The following UST variants were observed in gnomAD, a reference collection of about 807,000 sequenced individuals.
UST encodes uronyl 2-sulfotransferase.
Under a neutral mutation model 45.6 loss-of-function variants are expected in UST, and 21 were observed. That is an observed-to-expected ratio of 0.46 (90% CI 0.33 to 0.66). The LOEUF is 0.66. Ranked by LOEUF, UST falls within the 30% of genes least tolerant of loss-of-function variation. The probability of loss-of-function intolerance (pLI) is 0.02; values close to 1 mark genes in which losing one functional copy is unlikely to be tolerated. For synonymous variants in UST, 215 were observed against 200.6 expected (o/e 1.07, Z -0.61); for missense variants, 463 against 512.4 (o/e 0.90, Z 0.93).
chr6:148,759,244 A>T (rs1480910729), intron 1 of UST, among the ~76,000 whole-genome samples: 1 of 152,284 alleles, frequency 6.6e-6, no homozygotes, highest in East Asian at 1.9e-4. Context: ...AAGTCCTTTT[A>T]AAAAAGTCCC....
rs1776008742 is a variant in UST at position 149,023,410 on chromosome 6, C to T, written c.937+1929C>T. Among the ~76,000 whole-genome samples the T allele has an allele frequency of 2.0e-5, 3 of 152,184 alleles. No homozygotes were observed. In the South Asian group the frequency reaches 6.2e-4, roughly 32 times the overall value. On this transcript the variant is annotated intron_variant, in intron 7 of 7. Coordinates refer to ENST00000367463, the MANE Select transcript of UST (RefSeq NM_005715.3). ...TGGGAGCAGCTACTATGACCCCAGT[C>T]AAGCCTTCAGATAACTGCAGCCCCA...
chr6:148,965,716 T>TA (rs1264177774), intron 5 of UST, among the ~76,000 whole-genome samples: 2 of 152,166 alleles, frequency 1.3e-5, no homozygotes, highest in Non-Finnish European at 2.9e-5. Flanking sequence ...ACAGAGAAGT[T>TA]AGTGTCTCAG....
At chr6:149,007,100 G>A (rs1020933072) in intron 5 of UST, among the ~76,000 whole-genome samples, 3 of 146,132 alleles carry the variant, frequency 2.1e-5, no homozygotes, top group African/African-American at 5.0e-5. Flanking sequence ...TGATCAAGAC[G>A]TCATTCCAGG....
chr6:149,058,353 G>A (rs1776600003), intron 7 of UST, among the ~76,000 whole-genome samples: 1 of 128,076 alleles, frequency 7.8e-6, no homozygotes, highest in East Asian at 2.1e-4. Context: ...GCATGTGTGT[G>A]TGTGTGTGTG....
In UST at chr6:148,910,513, G is replaced by A. The variant is rs189952216; in HGVS notation, c.291+23484G>A. Among the ~76,000 whole-genome samples the A allele has an allele frequency of 7.3e-3, 1,106 of 152,074 alleles. 13 individuals carry two copies. Among genetic ancestry groups the A allele is most frequent in the African/African-American group, 0.024 (1,013 of 41,462 alleles). On this transcript the variant is annotated intron_variant, in intron 2 of 7. Transcript: ENST00000367463. ...GTGAAGGACAAGTTAAGCCATCTCC[G>A]TCTCTCTCATACTGCAGCCCACCTG...
chr6:148,997,497 A>G (rs1781473429), intron 5 of UST, among the ~76,000 whole-genome samples: 2 of 152,222 alleles, frequency 1.3e-5, no homozygotes, highest in Admixed American at 6.5e-5. Flanking sequence ...AATTAGAAAA[A>G]GGGAAAATGA....
intron 7 of UST, among the ~76,000 whole-genome samples, chr6:149,041,069 C>T (rs1005620011): frequency 1.3e-5 from 2 of 152,172 alleles, no homozygotes; most frequent in African/African-American, 4.8e-5. Context: ...CCCAGGTCGG[C>T]CTTGAAAAAG....
intron 1 of UST, among the ~76,000 whole-genome samples, chr6:148,814,566 ATCAGGGTTATGGCTC>A (rs1351013419): frequency 2.0e-5 from 3 of 152,250 alleles, no homozygotes; most frequent in African/African-American, 7.2e-5. Context: ...TGTGTGTGAC[ATCAGGGTTATGGCTC>A]TGTAAGCTCT....
intron 2 of UST, among the ~76,000 whole-genome samples, chr6:148,892,688 A>G (rs1014520208): frequency 6.6e-6 from 1 of 152,258 alleles, no homozygotes; most frequent in African/African-American, 2.4e-5. Context: ...GAACATTTTC[A>G]TCATCAAGGA....
intron 1 of UST, among the ~76,000 whole-genome samples, chr6:148,870,104 T>TCTCACACACACACACACACACA (rs377724567): frequency 5.7e-5 from 8 of 141,548 alleles, no homozygotes; most frequent in African/African-American, 1.6e-4. Context: ...TGGTAATGTT[T>TCTCACACACACACACACACACA]CACACACACA....
At chr6:148,878,328 T>G (rs1582872730) in intron 1 of UST, among the ~76,000 whole-genome samples, 1 of 38,700 alleles carries the variant, frequency 2.6e-5, no homozygotes, top group Non-Finnish European at 4.4e-5. Flanking sequence ...GCGGGGATCG[T>G]GTATGAGTGG....
rs145265466 is a variant in UST, at chr6:148,969,002, G to T, written c.681+4439G>T. Among the ~76,000 whole-genome samples, 508 of 152,346 alleles carry T rather than the reference G, an allele frequency of 3.3e-3. 5 individuals carry two copies. Among genetic ancestry groups the T allele is most frequent in the African/African-American group, 0.012 (492 of 41,574 alleles). On this transcript the variant is annotated intron_variant, in intron 5 of 7. Coordinates refer to ENST00000367463, the MANE Select transcript of UST (RefSeq NM_005715.3). ...AGCTTCTTAATTCATAAAGAATTCAGTGAATCATGTTGGCCCTGTTGGATT... is the reference window on the plus strand; with the variant it reads ...AGCTTCTTAATTCATAAAGAATTCATTGAATCATGTTGGCCCTGTTGGATT...
At chr6:149,024,253 C>A (rs1306539339) in intron 7 of UST, among the ~76,000 whole-genome samples, 1 of 152,232 alleles carries the variant, frequency 6.6e-6, no homozygotes, top group Non-Finnish European at 1.5e-5. Flanking sequence ...CAAGAGGGAT[C>A]TTCAGGACCC....
chr6:149,047,052 G>A (rs1776406857), intron 7 of UST, among the ~76,000 whole-genome samples: 1 of 152,190 alleles, frequency 6.6e-6, no homozygotes, highest in Admixed American at 6.5e-5. Context: ...TCACTAGTTA[G>A]AGTTGTTTTC....
intron 1 of UST, among the ~76,000 whole-genome samples, chr6:148,762,980 T>G (rs1226725039): frequency 3.9e-5 from 6 of 152,212 alleles, no homozygotes; most frequent in Admixed American, 3.9e-4. Context: ...GGCAGGTGTT[T>G]ATTTGATAGA....
chr6:149,062,071 CGGT>C (rs1776662393), intron 7 of UST, among the ~76,000 whole-genome samples: 1 of 152,190 alleles, frequency 6.6e-6, no homozygotes. Context: ...AGCTGCAAGA[CGGT>C]GGCTTCTACA....
At chr6:148,931,632 T>C (rs190934902) in intron 2 of UST, among the ~76,000 whole-genome samples, 33 of 152,330 alleles carry the variant, frequency 2.2e-4, no homozygotes, top group African/African-American at 7.9e-4. Context: ...ACTGAATACA[T>C]AGCATGTAAG....
At chr6:148,841,053 A>AAG (rs1483523996) in intron 1 of UST, among the ~76,000 whole-genome samples, 1 of 151,584 alleles carries the variant, frequency 6.6e-6, no homozygotes, top group South Asian at 2.1e-4. Context: ...TGAAAAAAAA[A>AAG]AAAACCCAAC....
intron 5 of UST, among the ~76,000 whole-genome samples, chr6:148,988,573 CAAAA>C (rs760248567): frequency 2.3e-5 from 2 of 86,926 alleles, no homozygotes; most frequent in Non-Finnish European, 4.3e-5. Context: ...GACCCTGTCT[CAAAA>C]AAAAAAAAAA....
Sources: allele counts gnomAD v4.1 joint callset (sites outside exome capture counted in the v4.1 genomes callset), GRCh38; gene constraint gnomAD v4.1.1; transcripts MANE v1.5; gene names NCBI Gene and HGNC (gene_info 2026-07-23, HGNC 2026-07-21).